Variants in BAZ1B observed in about 807,000 individuals in gnomAD.
BAZ1B encodes the protein tyrosine-protein kinase BAZ1B.
BAZ1B carries 22 observed loss-of-function variants against 153.8 expected under a neutral mutation model. The ratio of observed to expected loss-of-function variants is 0.14; its 90% CI spans 0.10 to 0.20. The LOEUF is 0.20. Ranked by LOEUF, BAZ1B falls within the 10% of genes least tolerant of loss-of-function variation. BAZ1B has a pLI of 1.00. For missense variants in BAZ1B, 1,325 were observed against 1,799.3 expected, an observed-to-expected ratio of 0.74 and a Z score of 4.77; for synonymous variants, 676 against 633.4, an observed-to-expected ratio of 1.07 and a Z score of -1.01.
chr7:73,447,321 CCTCTT>C lies in BAZ1B; in HGVS notation c.3782_3786del (p.Glu1261GlyfsTer14). The stretch of plus-strand genomic sequence containing the variant: ...TCCTCCTCCTCTTCTTCCTCCTCCT[CCTCTT>C]CATCACTCTCATCATCTTCACTGTC... On this transcript the variant is annotated frameshift_variant, in exon 16 of 20. Coordinates refer to ENST00000339594, the MANE Select transcript of BAZ1B (RefSeq NM_032408.4). LOFTEE classifies it high-confidence loss of function. 6.2e-7 allele frequency: 1 copy of C among 1,613,550 alleles called. No homozygotes were observed. The highest frequency in any genetic ancestry group is 8.5e-7 in the Non-Finnish European group (1 of 1,179,500).
At position 73,447,273 on chromosome 7, in the gene BAZ1B, C is replaced by T; in HGVS notation, c.3835G>A (p.Gly1279Ser). Residue 1279 changes from glycine (G) to serine (S), a missense_variant, in exon 16 of 20, where the codon GGT (glycine) becomes AGT (serine). This residue lies in a region of BAZ1B where 271 missense variants were observed against 337.2 expected (regional missense o/e 0.80). Coordinates refer to ENST00000339594, the MANE Select transcript of BAZ1B (RefSeq NM_032408.4). ...EEEEEDYEVA[G>S]LRLRPRKTIR... The stretch of plus-strand genomic sequence containing the variant: ...CAGACAAAATACTTACATCGCAAAC[C>T]AGCCACCTCATAATCTTCTTCCTCC... 1 of 1,613,860 alleles carries T rather than the reference C, an allele frequency of 6.2e-7. No individual in the cohort carries two copies. The highest frequency in any genetic ancestry group is 8.5e-7 in the Non-Finnish European group (1 of 1,179,928).
At chr7:73,443,289 TCCAA>T (rs1563360265) in intron 17 of BAZ1B, among the ~76,000 whole-genome samples, 1 of 151,686 alleles carries the variant, frequency 6.6e-6, no homozygotes, top group Non-Finnish European at 1.5e-5. Flanking sequence ...AAGCAAGAGG[TCCAA>T]TTCCCTTCCT....
rs571161412 is a variant in BAZ1B, at chr7:73,485,526, T to C, written c.891+3668A>G. 1.0e-3 allele frequency among the ~76,000 whole-genome samples: 155 copies of C among 151,074 alleles called. 1 individual carries two copies. The highest frequency in any genetic ancestry group is 1.7e-3 in the Non-Finnish European group (116 of 67,902). On this transcript the variant is annotated intron_variant, in intron 6 of 19. Transcript: ENST00000339594. The stretch of plus-strand genomic sequence containing the variant: ...CGGTAATCCTAGCTAGTCAGAAGCA[T>C]GAGGTGGGAGGACTGCTTGAGCCAG...
chr7:73,515,811 G>C (rs1790775855), intron 1 of BAZ1B, among the ~76,000 whole-genome samples: 1 of 152,076 alleles, frequency 6.6e-6, no homozygotes, highest in Non-Finnish European at 1.5e-5. Flanking sequence ...CAAAGTGCTG[G>C]CATGAACAAC....
In BAZ1B at chr7:73,441,364, GCTTTTC is replaced by G. The variant is rs1390318409; in HGVS notation, c.*339_*344del. ...AAAATTAAACATTTAAATTCTTCCT[GCTTTTC>G]TTCTGCTCCCCTAAGAGCTTGACTG... On this transcript the variant is annotated 3_prime_UTR_variant, in exon 20 of 20. Coordinates refer to ENST00000339594, the MANE Select transcript of BAZ1B (RefSeq NM_032408.4). 1 of 152,452 alleles carries G rather than the reference GCTTTTC, an allele frequency of 6.6e-6. No individual in the cohort carries two copies. Among genetic ancestry groups the G allele is most frequent in the Non-Finnish European group, 1.5e-5 (1 of 68,024 alleles). 9.4% of individuals were successfully genotyped at this position (152,452 alleles called of 1,614,324 possible).
chr7:73,470,495 A>T lies in BAZ1B; in HGVS notation c.2594-12T>A. On this transcript the variant is annotated splice_polypyrimidine_tract_variant and intron_variant, in intron 7 of 19. Coordinates refer to ENST00000339594, the MANE Select transcript of BAZ1B (RefSeq NM_032408.4). Reference sequence around the variant, plus strand: ...GCGTTCCAGTTTCACTGTTAAAAATAAAAAGACTCAAATCAGATATTTTCC... The same window carrying T: ...GCGTTCCAGTTTCACTGTTAAAAATTAAAAGACTCAAATCAGATATTTTCC... 2 of 1,609,782 alleles carry T rather than the reference A, an allele frequency of 1.2e-6. No individual in the cohort carries two copies. Among genetic ancestry groups the T allele is most frequent in the Non-Finnish European group, 1.7e-6 (2 of 1,178,686 alleles).
At chr7:73,512,299 ATT>A (rs113787048) in intron 1 of BAZ1B, among the ~76,000 whole-genome samples, 11 of 140,792 alleles carry the variant, frequency 7.8e-5, no homozygotes, top group Admixed American at 1.4e-4. Flanking sequence ...TTTTTGTGTG[ATT>A]TTTTTTTTTT....
intron 17 of BAZ1B, among the ~76,000 whole-genome samples, chr7:73,443,153 G>A (rs2116211446): frequency 6.6e-6 from 1 of 152,338 alleles, no homozygotes; most frequent in South Asian, 2.1e-4. Flanking sequence ...AGCTCTCAGA[G>A]AACAGGTGGA....
At chr7:73,512,417 T>C (rs781932049) in intron 1 of BAZ1B, among the ~76,000 whole-genome samples, 1 of 152,130 alleles carries the variant, frequency 6.6e-6, no homozygotes, top group Non-Finnish European at 1.5e-5. Flanking sequence ...AAAAAATAAA[T>C]TTCATAAAAT....
intron 9 of BAZ1B, among the ~76,000 whole-genome samples, chr7:73,467,051 G>C (rs1406933226): frequency 2.0e-5 from 3 of 152,092 alleles, no homozygotes; most frequent in African/African-American, 4.8e-5. Context: ...CCCTGCCTCA[G>C]ACTCCCGAGT....
chr7:73,455,048 A>AT (rs1466671570), intron 13 of BAZ1B, among the ~76,000 whole-genome samples: 1 of 147,914 alleles, frequency 6.8e-6, no homozygotes, highest in Non-Finnish European at 1.5e-5. Flanking sequence ...GTGTGTGTGC[A>AT]TTTTTTCTTT....
chr7:73,519,933 G>A (rs782043978), intron 1 of BAZ1B, among the ~76,000 whole-genome samples: 9 of 151,580 alleles, frequency 5.9e-5, no homozygotes, highest in African/African-American at 2.2e-4. Context: ...CTGGCCAGGC[G>A]CGGTGGCTCA....
chr7:73,478,606 A>C (rs781881149), intron 6 of BAZ1B, 37 bp from the exon 7 acceptor site: 2 of 1,443,310 alleles, frequency 1.4e-6, no homozygotes, highest in South Asian at 3.1e-5. Context: ...TAATTTTAAA[A>C]TCTAAAACTA....
chr7:73,492,944 G>C (rs1554575760), intron 4 of BAZ1B, 23 bp from the exon 5 acceptor site: 1 of 1,569,118 alleles, frequency 6.4e-7, no homozygotes, highest in Admixed American at 2.1e-5. Flanking sequence ...TAGAAAATTA[G>C]TGAAAAACGT....
At chr7:73,513,973 G>C (rs1790688865) in intron 1 of BAZ1B, among the ~76,000 whole-genome samples, 5 of 152,178 alleles carry the variant, frequency 3.3e-5, no homozygotes, top group African/African-American at 1.2e-4. Context: ...ATTACAGGTT[G>C]AGGATCCCTT....
chr7:73,494,121 C>T (rs1789776001), intron 4 of BAZ1B, among the ~76,000 whole-genome samples: 2 of 152,078 alleles, frequency 1.3e-5, no homozygotes, highest in African/African-American at 4.8e-5. Flanking sequence ...GTGGCTCGTG[C>T]CTGTAATCCC....
chr7:73,447,518 C>T (rs1554566943), intron 15 of BAZ1B, 139 bp from the exon 16 acceptor site: 2 of 1,148,990 alleles, frequency 1.7e-6, no homozygotes, highest in Non-Finnish European at 1.2e-6. Context: ...GGGAGGGAAC[C>T]TGAATGTAAG....
chr7:73,481,317 G>T (rs1789188380), intron 6 of BAZ1B, among the ~76,000 whole-genome samples: 1 of 151,522 alleles, frequency 6.6e-6, no homozygotes, highest in Non-Finnish European at 1.5e-5. Flanking sequence ...CATGAGGTCA[G>T]GAGATTGAGA....
chr7:73,522,168 C>CA lies in BAZ1B; in HGVS notation c.-236_-235insT, dbSNP rs1420547652. The stretch of plus-strand genomic sequence containing the variant: ...CACCGCCGCGCCTCCCAGCAGCCCC[C>CA]CGCCGACCTCCGCTTCGGGTCCCGG... On this transcript the variant is annotated 5_prime_UTR_variant, in exon 1 of 20. Transcript: ENST00000339594. The CA allele has an allele frequency of 5.1e-6, 2 of 395,506 alleles. No homozygotes were observed. Among genetic ancestry groups the CA allele is most frequent in the Non-Finnish European group, 8.9e-6 (2 of 224,348 alleles). 24.5% of individuals were successfully genotyped at this position (395,506 alleles called of 1,614,324 possible).
Sources: allele counts gnomAD v4.1 joint callset (sites outside exome capture counted in the v4.1 genomes callset), GRCh38; gene constraint gnomAD v4.1.1; regional missense constraint gnomAD v4.1.1; transcripts MANE v1.5; gene names NCBI Gene and HGNC (gene_info 2026-07-23, HGNC 2026-07-21).